TOR1A: variants seen among roughly 807,000 people sequenced by gnomAD.
TOR1A encodes the protein torsin-1A.
A neutral mutation model predicts 31.4 loss-of-function variants in TOR1A; 18 were observed. The observed-to-expected ratio is 0.57, with a 90% CI of 0.40 to 0.85. TOR1A has a LOEUF of 0.85. Ranked by LOEUF, TOR1A falls within the 40% of genes least tolerant of loss-of-function variation. The pLI is 0.00. For missense variants in TOR1A, 375 were observed against 416.4 expected (o/e 0.90, Z 0.87); for synonymous variants, 168 against 165.9 (o/e 1.01, Z -0.10).
chr9:129,813,999 G>C lies in TOR1A; in HGVS notation c.972C>G (p.Thr324=), dbSNP rs1187969707. Residue 324 remains threonine (T), a synonymous_variant, in exon 5 of 5, where the codon ACC becomes ACG. Coordinates refer to ENST00000351698, the MANE Select transcript of TOR1A (RefSeq NM_000113.3). ...FSDKGCKTVF[T]KLDYYYDD is the part of the protein sequence containing the mutation. ...AATCATCGTAGTAATAATCTAACTT[G>C]GTGAACACCGTTTTGCAGCCTTTAT... 3 of 1,614,006 alleles carry C rather than the reference G, an allele frequency of 1.9e-6. No homozygotes were observed. The highest frequency in any genetic ancestry group is 2.5e-6 in the Non-Finnish European group (3 of 1,180,036).
At chr9:129,814,297 A>G in intron 4 of TOR1A, 75 bp from the exon 5 acceptor site, 4 of 1,606,774 alleles carry the variant, frequency 2.5e-6, no homozygotes, top group Non-Finnish European at 8.5e-7. Context: ...GGGGTCACTT[A>G]CCTACCCTCC....
In TOR1A at chr9:129,818,755, T is replaced by G; in HGVS notation, c.610A>C (p.Ile204Leu). The change falls in exon 3 of 5, where the codon ATA (isoleucine) becomes CTA (leucine). Residue 204 changes from isoleucine to leucine, a missense_variant. Physicochemically the swap from Ile to Leu is conservative, Grantham distance 5. Transcript: ENST00000351698. ...TAGCCCTGACCTTACCTGAGAAATA[T>G]GAACATGGCTTTCTGGTAGGAGACC... ...DGVSYQKAMF[I>L]FLSNAGAERI... 6.2e-7 allele frequency: 1 copy of G among 1,613,358 alleles called. No homozygotes were observed. Among genetic ancestry groups the G allele is most frequent in the Non-Finnish European group, 8.5e-7 (1 of 1,180,026 alleles).
At chr9:129,816,120 C>T (rs1002322347) in intron 4 of TOR1A, among the ~76,000 whole-genome samples, 4 of 152,182 alleles carry the variant, frequency 2.6e-5, no homozygotes, top group Admixed American at 6.5e-5. Flanking sequence ...TATCACCTCC[C>T]GTTTCCCTCC....
chr9:129,815,279 T>C (rs996394046), intron 4 of TOR1A, among the ~76,000 whole-genome samples: 1 of 152,216 alleles, frequency 6.6e-6, no homozygotes, highest in South Asian at 2.1e-4. Flanking sequence ...GTGGAGCCTA[T>C]GGCCAGGGAA....
chr9:129,822,638 G>C lies in TOR1A; in HGVS notation c.387C>G (p.Val129=), dbSNP rs2031212267. Residue 129 remains valine, a synonymous_variant, in exon 2 of 5, where the codon GTC becomes GTG. Coordinates refer to ENST00000351698, the MANE Select transcript of TOR1A (RefSeq NM_000113.3). ...IYEGGLNSDY[V]HLFVATLHFP... ...AGTGCAATGTGGCCACAAACAGGTG[G>C]ACATAGTCACTGTTCAGACCACCCT... is the stretch of plus-strand genomic sequence containing the variant. 1 of 1,614,108 alleles carries C rather than the reference G, an allele frequency of 6.2e-7. No homozygotes were observed. Among genetic ancestry groups the C allele is most frequent in the African/African-American group, 1.3e-5 (1 of 74,926 alleles).
At chr9:129,819,178 C>G (rs983332793) in intron 2 of TOR1A, among the ~76,000 whole-genome samples, 7 of 152,214 alleles carry the variant, frequency 4.6e-5, no homozygotes, top group Admixed American at 3.3e-4. Flanking sequence ...GAGCTGGGAC[C>G]TGAACCCAGT....
Position 129,824,050 on chromosome 9 carries a change from C to A in TOR1A, c.36G>T (p.Leu12=). The stretch of plus-strand genomic sequence containing the variant: ...CCGCCTGCACCACGGACGGCGCCAG[C>A]AGCAGCAGGCCCAGCACGGCCCGGC... ...KLGRAVLGLL[L]LAPSVVQAVE... Residue 12 remains leucine, a synonymous_variant, in exon 1 of 5, where the codon CTG becomes CTT. Transcript: ENST00000351698. 6.2e-7 allele frequency: 1 copy of A among 1,603,560 alleles called. No individual in the cohort carries two copies. Among genetic ancestry groups the A allele is most frequent in the East Asian group, 2.2e-5 (1 of 44,600 alleles).
chr9:129,818,706 G>T (rs1564183735), intron 3 of TOR1A, 39 bp downstream of exon 3: 1 of 1,613,884 alleles, frequency 6.2e-7, no homozygotes, highest in East Asian at 2.2e-5. Context: ...AGAGGCTTGG[G>T]CTCGGGGCCC....
chr9:129,822,329 G>T, intron 2 of TOR1A: 1 of 543,172 alleles, frequency 1.8e-6, no homozygotes, highest in Non-Finnish European at 3.4e-6. Context: ...ATTTGATCAT[G>T]TCCACCTCTA....
rs559295198 is a variant in TOR1A at position 129,813,762 on chromosome 9, G to C, written c.*210C>G. 9.0e-6 allele frequency: 6 copies of C among 666,462 alleles called. No homozygotes were observed. The highest frequency in any genetic ancestry group is 1.6e-5 in the Non-Finnish European group (6 of 383,236). The allele number at this position is 666,462 out of a possible 1,614,324, so 41.3% of individuals were successfully genotyped here. Reference sequence around the variant, plus strand: ...TGGCTCCTTCCTTCTGTGCGTGTTCGGGAGGCTTCACGTCCTCGCCCGTGG... The same window carrying C: ...TGGCTCCTTCCTTCTGTGCGTGTTCCGGAGGCTTCACGTCCTCGCCCGTGG... On this transcript the variant is annotated 3_prime_UTR_variant, in exon 5 of 5. Transcript: ENST00000351698.
In TOR1A at chr9:129,818,520, TG is replaced by T; in HGVS notation, c.747del (p.Asn249LysfsTer9). The T allele has an allele frequency of 6.2e-7, 1 of 1,614,132 alleles. No individual in the cohort carries two copies. ...ALSVSVFNNK[N>X]SGFWHSSLID... ...ACTGGCGGTGGATGGCCCTACTCAC[TG>T]TTCTTGTTATTGAAAACCGACACAG... On this transcript the variant is annotated frameshift_variant and splice_region_variant, in exon 4 of 5. Coordinates refer to ENST00000351698, the MANE Select transcript of TOR1A (RefSeq NM_000113.3). LOFTEE classifies it high-confidence loss of function.
At chr9:129,818,205 A>T (rs2031089234) in intron 4 of TOR1A, 1 of 406,214 alleles carries the variant, frequency 2.5e-6, no homozygotes, top group Admixed American at 3.6e-5. Context: ...CAGGAGGCTG[A>T]GGCACAAGAA....
intron 4 of TOR1A, among the ~76,000 whole-genome samples, chr9:129,815,945 T>C (rs1320417147): frequency 6.6e-6 from 1 of 151,980 alleles, no homozygotes; most frequent in Non-Finnish European, 1.5e-5. Flanking sequence ...GGGTCTGTCC[T>C]CCATCCAGTT....
chr9:129,820,680 G>A (rs1009840671), intron 2 of TOR1A, among the ~76,000 whole-genome samples: 6 of 151,456 alleles, frequency 4.0e-5, no homozygotes, highest in Admixed American at 3.3e-4. Flanking sequence ...CTGCAGCCTC[G>A]ACCTCCCAGG....
chr9:129,823,010 G>T lies in TOR1A; in HGVS notation c.179-164C>A, dbSNP rs76067018. On this transcript the variant is annotated intron_variant, in intron 1 of 4. Transcript: ENST00000351698. ...AAGCTCCTGGCCCAGAGGGGACGGC[G>T]GTCCAGGGAGCCCTCCCTTTGCTGG... Among the ~76,000 whole-genome samples, 8 of 152,136 alleles carry T rather than the reference G, an allele frequency of 5.3e-5. No individual in the cohort carries two copies. In the East Asian group the frequency reaches 1.5e-3, roughly 29 times the overall value.
chr9:129,821,663 G>A (rs1188512340), intron 2 of TOR1A: 1 of 152,084 alleles, frequency 6.6e-6, no homozygotes, highest in Non-Finnish European at 1.5e-5. Context: ...GGAGGCTGAG[G>A]TAGGCAGATC....
chr9:129,824,104 C>G lies in TOR1A; in HGVS notation c.-19G>C. 1 of 1,554,636 alleles carries G rather than the reference C, an allele frequency of 6.4e-7. No homozygotes were observed. The highest frequency in any genetic ancestry group is 2.4e-5 in the East Asian group (1 of 42,018). On this transcript the variant is annotated 5_prime_UTR_variant, in exon 1 of 5. Transcript: ENST00000351698. ...GCTTCATGCCCGGACCCGCGCCACC[C>G]TGCTTGTTCTCGCGCCGACCGCGAA...
rs144903607 is a variant in TOR1A at position 129,814,158 on chromosome 9, G to C, written c.813C>G (p.Pro271=). ...NLIDYFVPFL[P]LEYKHLKMCI... is the part of the protein sequence containing the mutation. The stretch of plus-strand genomic sequence containing the variant: ...ACATTTTTAGGTGTTTGTATTCCAG[G>C]GGGAGGAAGGGAACAAAATAATCAA... The change falls in exon 5 of 5, where the codon CCC becomes CCG. Residue 271 remains proline, a synonymous_variant. Coordinates refer to ENST00000351698, the MANE Select transcript of TOR1A (RefSeq NM_000113.3). The C allele has an allele frequency of 2.4e-5, 38 of 1,614,008 alleles. No individual in the cohort carries two copies. In the African/African-American group the frequency reaches 2.4e-4, roughly 10 times the overall value.
rs2030996083 is a variant in TOR1A, at chr9:129,814,868, C to T, written c.749-646G>A. 4.6e-5 allele frequency among the ~76,000 whole-genome samples: 7 copies of T among 152,166 alleles called. No homozygotes were observed. In the South Asian group the frequency reaches 1.2e-3, roughly 27 times the overall value. ...CTAGCAACAGGGAAGCCTGCTGCCG[C>T]TGCCACAGTGCCCAGACCCTGCAGA... is the stretch of plus-strand genomic sequence containing the variant. On this transcript the variant is annotated intron_variant, in intron 4 of 4. Coordinates refer to ENST00000351698, the MANE Select transcript of TOR1A (RefSeq NM_000113.3).
Sources: gnomAD v4.1 joint callset for allele counts (sites outside exome capture counted in the v4.1 genomes callset) on GRCh38, gnomAD v4.1.1 for gene constraint, MANE v1.5 for transcripts, NCBI Gene and HGNC (gene_info 2026-07-23, HGNC 2026-07-21) for gene names.